Variants in TNIP3 observed in about 807,000 individuals in gnomAD.
TNIP3 encodes the protein TNFAIP3 interacting protein 3.
TNIP3 carries 34 observed loss-of-function variants against 54.1 expected under a neutral mutation model. The observed-to-expected ratio is 0.63, with a 90% CI of 0.48 to 0.84. The LOEUF is 0.84. Among genes scored for constraint, TNIP3 ranks in the 40% least tolerant of loss-of-function variants. The pLI, the probability that TNIP3 is intolerant of heterozygous loss-of-function variation, is 0.00. For synonymous variants in TNIP3, 134 were observed against 136.8 expected, an observed-to-expected ratio of 0.98 and a Z score of 0.14; for missense variants, 366 against 387.6, an observed-to-expected ratio of 0.94 and a Z score of 0.47.
At chr4:121,153,633 C>T (rs1216683363) in intron 5 of TNIP3, among the ~76,000 whole-genome samples, 1 of 152,192 alleles carries the variant, frequency 6.6e-6, no homozygotes, top group African/African-American at 2.4e-5. Flanking sequence ...ACACACAGAT[C>T]TACTACAGGA....
intron 5 of TNIP3, 164 bp downstream of exon 5, chr4:121,154,387 G>A (rs1254591352): frequency 5.6e-6 from 5 of 886,866 alleles, no homozygotes; most frequent in Non-Finnish European, 6.8e-6. Context: ...AAGTATGACT[G>A]AAAGCTGCAG....
intron 9 of TNIP3, among the ~76,000 whole-genome samples, chr4:121,139,542 G>A (rs576492648): frequency 6.6e-6 from 1 of 152,234 alleles, no homozygotes; most frequent in South Asian, 2.1e-4. Flanking sequence ...TTGTTGTTCT[G>A]TAATTCAATT....
chr4:121,199,987 A>G (rs1466661087), intron 2 of TNIP3, among the ~76,000 whole-genome samples: 1 of 152,178 alleles, frequency 6.6e-6, no homozygotes, highest in Non-Finnish European at 1.5e-5. Flanking sequence ...ACACAAAGGC[A>G]CTACACAAGC....
chr4:121,157,703 A>G (rs1375067156), intron 3 of TNIP3, among the ~76,000 whole-genome samples: 1 of 152,188 alleles, frequency 6.6e-6, no homozygotes, highest in Non-Finnish European at 1.5e-5. Flanking sequence ...CTAGGTGCCA[A>G]ATCACTCTGA....
upstream of TNIP3, among the ~76,000 whole-genome samples, chr4:121,165,861 C>T (rs1730738056): frequency 6.6e-6 from 1 of 152,126 alleles, no homozygotes; most frequent in African/African-American, 2.4e-5. Flanking sequence ...GGTACAGAAG[C>T]AGCGATTTCC....
At chr4:121,149,714 G>A (rs577660587) in intron 6 of TNIP3, among the ~76,000 whole-genome samples, 8 of 152,156 alleles carry the variant, frequency 5.3e-5, no homozygotes, top group East Asian at 1.9e-4. Context: ...TGCGGTGAGC[G>A]GAGGTTGTAC....
At chr4:121,139,233 C>T (rs1169546287) in intron 9 of TNIP3, among the ~76,000 whole-genome samples, 1 of 152,182 alleles carries the variant, frequency 6.6e-6, no homozygotes, top group Non-Finnish European at 1.5e-5. Context: ...AGAACCTATC[C>T]TCTAAATTGC....
intron 2 of TNIP3, among the ~76,000 whole-genome samples, chr4:121,193,485 T>A (rs1025079510): frequency 8.5e-5 from 13 of 152,194 alleles, no homozygotes; most frequent in African/African-American, 3.1e-4. Flanking sequence ...GAAAAGGCTT[T>A]TCTTTACATT....
upstream of TNIP3, among the ~76,000 whole-genome samples, chr4:121,168,060 T>C (rs1277372046): frequency 1.3e-5 from 2 of 152,156 alleles, no homozygotes; most frequent in Non-Finnish European, 2.9e-5. Context: ...TTCTTTCTCT[T>C]ACATCCTGCA....
intron 2 of TNIP3, among the ~76,000 whole-genome samples, chr4:121,202,872 G>C (rs531350651): frequency 1.3e-5 from 2 of 152,056 alleles, no homozygotes; most frequent in Non-Finnish European, 2.9e-5. Flanking sequence ...AAACCAAAAT[G>C]TAATACCACC....
At chr4:121,191,907 A>G (rs534199113) in intron 2 of TNIP3, among the ~76,000 whole-genome samples, 1 of 152,358 alleles carries the variant, frequency 6.6e-6, no homozygotes, top group Non-Finnish European at 1.5e-5. Context: ...ATCTTTGGAA[A>G]TTATGACAAA....
At chr4:121,194,130 T>A (rs1484900079) in intron 2 of TNIP3, among the ~76,000 whole-genome samples, 4 of 152,292 alleles carry the variant, frequency 2.6e-5, no homozygotes, top group Middle Eastern at 6.8e-3. Flanking sequence ...ATTTTCCGAT[T>A]TTGATGGTTA....
In TNIP3 at chr4:121,133,073, A is replaced by G. The variant is rs1430368506; in HGVS notation, c.947-411T>C. On this transcript the variant is annotated intron_variant, in intron 10 of 10. Transcript: ENST00000057513. ...ATGGTACTGGGTACATTATTGCCAAAGCTATGGAAAATATCCTATAGAAAG... is the reference window on the plus strand; with the variant it reads ...ATGGTACTGGGTACATTATTGCCAAGGCTATGGAAAATATCCTATAGAAAG... Among the ~76,000 whole-genome samples, 5 of 152,334 alleles carry G rather than the reference A, an allele frequency of 3.3e-5. No homozygotes were observed. The East Asian group carries it at 7.7e-4, about 24-fold the overall frequency.
intron 1 of TNIP3, among the ~76,000 whole-genome samples, chr4:121,225,669 A>G (rs1253219313): frequency 1.3e-5 from 2 of 152,228 alleles, no homozygotes; most frequent in Non-Finnish European, 2.9e-5. Context: ...GCAATTTTTA[A>G]AAGTTAACAA....
At chr4:121,136,764 A>T (rs1728809404) in intron 10 of TNIP3, 2 of 147,354 alleles carry the variant, frequency 1.4e-5, no homozygotes, top group African/African-American at 5.0e-5. Flanking sequence ...CTGAGGTGGG[A>T]TGATTTCTTG....
intron 2 of TNIP3, among the ~76,000 whole-genome samples, chr4:121,204,786 T>C (rs935998627): frequency 6.6e-6 from 1 of 152,226 alleles, no homozygotes; most frequent in African/African-American, 2.4e-5. Context: ...TCTTGGTTAT[T>C]TTCTAAATTG....
intron 5 of TNIP3, chr4:121,154,166 A>G (rs2148809438): frequency 4.1e-6 from 1 of 245,448 alleles, no homozygotes; most frequent in Non-Finnish European, 7.8e-6. Flanking sequence ...TTTCACACCC[A>G]ACTCCATAGT....
chr4:121,146,838 T>G (rs1301327420), intron 7 of TNIP3, among the ~76,000 whole-genome samples: 2 of 152,200 alleles, frequency 1.3e-5, no homozygotes, highest in Non-Finnish European at 2.9e-5. Context: ...GAATGCAATT[T>G]CTTGGGCAAT....
At chr4:121,198,836 A>G (rs1459527548) in intron 2 of TNIP3, among the ~76,000 whole-genome samples, 2 of 152,208 alleles carry the variant, frequency 1.3e-5, no homozygotes, top group East Asian at 3.8e-4. Flanking sequence ...TGTTCTTTCA[A>G]AGTAATGATG....
Sources: allele counts gnomAD v4.1 joint callset (sites outside exome capture counted in the v4.1 genomes callset), GRCh38; gene constraint gnomAD v4.1.1; transcripts MANE v1.5; gene names NCBI Gene and HGNC (gene_info 2026-07-23, HGNC 2026-07-21).